Variants in ANKRD44 observed in about 807,000 individuals in gnomAD.
The protein encoded by ANKRD44 is ankyrin repeat domain 44.
ANKRD44 carries 35 observed loss-of-function variants against 116.0 expected under a neutral mutation model. That is an observed-to-expected ratio of 0.30 (90% CI 0.23 to 0.40). The LOEUF (loss-of-function observed/expected upper bound fraction) is 0.40. Ranked by LOEUF, ANKRD44 falls within the 10% of genes least tolerant of loss-of-function variation. The pLI, the probability that ANKRD44 is intolerant of heterozygous loss-of-function variation, is 1.00. For missense variants in ANKRD44, 1,014 were observed against 1,242.6 expected, an observed-to-expected ratio of 0.82 and a Z score of 2.77; for synonymous variants, 435 against 461.8, an observed-to-expected ratio of 0.94 and a Z score of 0.74.
At chr2:197,186,883 A>G (rs2080687016) in intron 2 of ANKRD44, 140 bp downstream of exon 2, 2 of 626,974 alleles carry the variant, frequency 3.2e-6, no homozygotes, top group Non-Finnish European at 5.6e-6. Flanking sequence ...TATTTCTTAT[A>G]TAGGGTTTAA....
At chr2:197,239,563 A>C (rs1490916469) in intron 1 of ANKRD44, among the ~76,000 whole-genome samples, 1 of 152,244 alleles carries the variant, frequency 6.6e-6, no homozygotes, top group East Asian at 1.9e-4. Context: ...AGAAACATAA[A>C]TAACTTATAA....
At chr2:197,024,482 C>G (rs2076553596) in intron 17 of ANKRD44, among the ~76,000 whole-genome samples, 2 of 152,214 alleles carry the variant, frequency 1.3e-5, no homozygotes, top group Non-Finnish European at 2.9e-5. Context: ...ATGGCCAACT[C>G]TTAGCAACTC....
intron 1 of ANKRD44, among the ~76,000 whole-genome samples, chr2:197,208,695 G>A (rs1559150930): frequency 1.3e-5 from 2 of 152,128 alleles, no homozygotes; most frequent in African/African-American, 4.8e-5. Context: ...AGCTACTCGG[G>A]AGGCTGAGGC....
intron 27 of ANKRD44, chr2:196,990,339 A>G: frequency 2.0e-6 from 2 of 1,001,802 alleles, no homozygotes; most frequent in Non-Finnish European, 2.4e-6. Flanking sequence ...TGCTAAATAC[A>G]TGAAAAGAAA....
chr2:197,108,795 C>A (rs1387800025), intron 9 of ANKRD44, among the ~76,000 whole-genome samples: 2 of 151,962 alleles, frequency 1.3e-5, no homozygotes, highest in Non-Finnish European at 2.9e-5. Flanking sequence ...CTGAGATCAC[C>A]CCATTTCACT....
At chr2:197,064,980 C>T (rs1379080224) in intron 16 of ANKRD44, among the ~76,000 whole-genome samples, 2 of 152,168 alleles carry the variant, frequency 1.3e-5, no homozygotes, top group East Asian at 1.9e-4. Flanking sequence ...AACTCTCCAC[C>T]CCAAATCAAC....
In ANKRD44 at chr2:197,074,931, G is replaced by C. The variant is rs550622118; in HGVS notation, c.1650+3772C>G. On this transcript the variant is annotated intron_variant, in intron 16 of 27. Transcript: ENST00000282272. The stretch of plus-strand genomic sequence containing the variant: ...TTAGTGTTGAGTTGCCCAAGACACA[G>C]TTGCTTTCAGTCTTTCTTCAGAGAA... Among the ~76,000 whole-genome samples the C allele has an allele frequency of 1.2e-4, 19 of 152,268 alleles. No individual in the cohort carries two copies. In the East Asian group the frequency reaches 3.3e-3, roughly 26 times the overall value.
chr2:197,244,938 C>T (rs1310341669), intron 1 of ANKRD44, among the ~76,000 whole-genome samples: 1 of 152,048 alleles, frequency 6.6e-6, no homozygotes, highest in Non-Finnish European at 1.5e-5. Flanking sequence ...ATTCAACCAA[C>T]CGCAAATCTA....
At chr2:197,029,473 A>G (rs2076662990) in intron 16 of ANKRD44, 1 of 420,484 alleles carries the variant, frequency 2.4e-6, no homozygotes, top group Non-Finnish European at 4.6e-6. Flanking sequence ...AAGATTTTCT[A>G]GAGGGAAGCA....
chr2:197,182,982 C>T (rs1333355732), intron 2 of ANKRD44, among the ~76,000 whole-genome samples: 1 of 151,828 alleles, frequency 6.6e-6, no homozygotes. Context: ...AGTAGGACAA[C>T]TTAATGGAGG....
chr2:196,997,802 C>T (rs2076040718), intron 25 of ANKRD44, among the ~76,000 whole-genome samples: 2 of 80,824 alleles, frequency 2.5e-5, no homozygotes, highest in East Asian at 1.4e-3. Context: ...GAACACACCA[C>T]TATTTGAAAA....
At position 197,001,799 on chromosome 2, in the gene ANKRD44, A is replaced by C; in HGVS notation, c.2389T>G (p.Phe797Val). 1.2e-6 allele frequency: 2 copies of C among 1,613,838 alleles called. No homozygotes were observed. The highest frequency in any genetic ancestry group is 1.7e-6 in the Non-Finnish European group (2 of 1,179,856). The change falls in exon 22 of 28, where the codon TTT becomes GTT. Residue 797 changes from phenylalanine (F) to valine (V), a missense_variant. Physicochemically the swap from Phe to Val is conservative, Grantham distance 50. Transcript: ENST00000282272. ...AAGGGATTACCGATAAATTTGCGAA[A>C]ACATTTTTGCTCCAAAAGTACCTCT... ...CIEVLLEQKC[F>V]RKFIGNPFTP...
chr2:197,057,983 A>T (rs2077236324), intron 16 of ANKRD44, among the ~76,000 whole-genome samples: 1 of 152,238 alleles, frequency 6.6e-6, no homozygotes, highest in Non-Finnish European at 1.5e-5. Context: ...TTTCCAACAG[A>T]ATAATCCATT....
chr2:197,159,805 T>C (rs566933119), intron 2 of ANKRD44, among the ~76,000 whole-genome samples: 16 of 152,294 alleles, frequency 1.1e-4, no homozygotes, highest in East Asian at 1.9e-4. Context: ...GGAATTAAGG[T>C]TGACTCAGAG....
chr2:197,114,182 T>C (rs1473528668), intron 8 of ANKRD44, among the ~76,000 whole-genome samples: 2 of 152,212 alleles, frequency 1.3e-5, no homozygotes, highest in Non-Finnish European at 2.9e-5. Context: ...TTCCTAGAAT[T>C]GCACAAAAAG....
intron 1 of ANKRD44, among the ~76,000 whole-genome samples, chr2:197,304,549 C>A (rs529225086): frequency 2.5e-4 from 38 of 152,248 alleles, no homozygotes; most frequent in African/African-American, 9.2e-4. Context: ...TGAAGAGCAT[C>A]GGTCTCCATT....
At chr2:197,075,842 G>C (rs890838887) in intron 16 of ANKRD44, among the ~76,000 whole-genome samples, 3 of 152,166 alleles carry the variant, frequency 2.0e-5, no homozygotes, top group Non-Finnish European at 2.9e-5. Context: ...ACCAAGCTGA[G>C]TGTCAGAGTC....
intron 16 of ANKRD44, among the ~76,000 whole-genome samples, chr2:197,045,598 G>A (rs1447594073): frequency 6.6e-6 from 1 of 152,112 alleles, no homozygotes; most frequent in East Asian, 1.9e-4. Flanking sequence ...TGAAAGCTCA[G>A]GTCCCTGTTA....
At chr2:197,007,407 C>T (rs10197590) in intron 20 of ANKRD44, among the ~76,000 whole-genome samples, 8,487 of 152,124 alleles carry the variant, frequency 0.056, 798 homozygotes, top group African/African-American at 0.19. Flanking sequence ...AGATAATATA[C>T]ATCAAATAGT....
Sources: gnomAD v4.1 joint callset for allele counts (sites outside exome capture counted in the v4.1 genomes callset) on GRCh38, gnomAD v4.1.1 for gene constraint, MANE v1.5 for transcripts, NCBI Gene and HGNC (gene_info 2026-07-23, HGNC 2026-07-21) for gene names.